WDFY3: variants seen among roughly 807,000 people sequenced by gnomAD.
WDFY3 encodes the protein WD repeat and FYVE domain containing 3.
Under a neutral mutation model 409.6 loss-of-function variants are expected in WDFY3, and 66 were observed. The ratio of observed to expected loss-of-function variants is 0.16; its 90% CI spans 0.13 to 0.20. The LOEUF is 0.20. Among genes scored for constraint, WDFY3 ranks in the 10% least tolerant of loss-of-function variants. WDFY3 has a pLI of 1.00. For synonymous variants in WDFY3, 1,521 were observed against 1,537.1 expected (o/e 0.99, Z 0.25); for missense variants, 3,031 against 4,298.1 (o/e 0.71, Z 8.24).
chr4:84,826,714 T>TTA, intron 10 of WDFY3, 101 bp downstream of exon 10: 2 of 1,220,156 alleles, frequency 1.6e-6, no homozygotes, highest in East Asian at 3.0e-5. Flanking sequence ...TATATTACTT[T>TTA]TATATATATA....
Position 84,713,221 on chromosome 4 carries a change from T to C in WDFY3, c.7980A>G (p.Pro2660=), listed in dbSNP as rs1031653825. Residue 2660 remains proline (P), a synonymous_variant, in exon 51 of 68, where the codon CCA becomes CCG. Transcript: ENST00000295888. ...KVYQRFLAVV[P]SLTDSSESVS... Reference sequence around the variant, plus strand: ...CAGATTCTGAACTGTCCGTTAGAGATGGCACTACAGCCAAAAACCTGAAAA... The same window carrying C: ...CAGATTCTGAACTGTCCGTTAGAGACGGCACTACAGCCAAAAACCTGAAAA... 6.2e-6 allele frequency: 10 copies of C among 1,614,070 alleles called. No individual in the cohort carries two copies. The South Asian group carries it at 7.7e-5, about 12-fold the overall frequency.
intron 2 of WDFY3, among the ~76,000 whole-genome samples, chr4:84,900,380 C>T (rs1766190825): frequency 6.6e-6 from 1 of 152,076 alleles, no homozygotes; most frequent in Non-Finnish European, 1.5e-5. Context: ...CACAACACCA[C>T]AACCAGCTAA....
At chr4:84,830,771 A>G (rs1755588374) in intron 8 of WDFY3, among the ~76,000 whole-genome samples, 1 of 152,252 alleles carries the variant, frequency 6.6e-6, no homozygotes, top group Admixed American at 6.5e-5. Context: ...GACTGGTTAC[A>G]GGATATCAAA....
intron 2 of WDFY3, among the ~76,000 whole-genome samples, chr4:84,899,221 T>C (rs1373789426): frequency 6.6e-6 from 1 of 152,088 alleles, no homozygotes; most frequent in East Asian, 1.9e-4. Context: ...AAAAAATGAG[T>C]ATGCCTTTTA....
At chr4:84,870,881 G>T (rs1388082511) in intron 3 of WDFY3, among the ~76,000 whole-genome samples, 1 of 138,774 alleles carries the variant, frequency 7.2e-6, no homozygotes, top group Non-Finnish European at 1.6e-5. Flanking sequence ...ATACCAACAG[G>T]GCTCTAAAAA....
rs756460782 is a variant in WDFY3, at chr4:84,704,373, T to A, written c.8407A>T (p.Met2803Leu). Residue 2803 changes from methionine to leucine, a missense_variant, in exon 55 of 68, where the codon ATG becomes TTG. Physicochemically the swap from Met to Leu is conservative, Grantham distance 15. Transcript: ENST00000295888. Reference protein sequence around the residue: ...AMIVASYLVRMEPFTQIFLRL... With the variant: ...AMIVASYLVRLEPFTQIFLRL... Reference sequence around the variant, plus strand: ...AAGAATATCTGTGTGAAAGGCTCCATCCTTACAAGGTATGAGGCCACAATC... The same window carrying A: ...AAGAATATCTGTGTGAAAGGCTCCAACCTTACAAGGTATGAGGCCACAATC... 11 of 1,612,538 alleles carry A rather than the reference T, an allele frequency of 6.8e-6. No homozygotes were observed. The highest frequency in any genetic ancestry group is 1.6e-4 in the Middle Eastern group (1 of 6,076).
chr4:84,859,466 T>C (rs759190376), intron 4 of WDFY3, among the ~76,000 whole-genome samples: 2 of 152,210 alleles, frequency 1.3e-5, no homozygotes, highest in African/African-American at 2.4e-5. Flanking sequence ...AAGTCTTTCA[T>C]GGCGGCAGCA....
rs368925452 is a variant in WDFY3 at position 84,738,966 on chromosome 4, T to C, written c.6574+44A>G. 1.4e-4 allele frequency: 225 copies of C among 1,604,068 alleles called. 2 individuals carry two copies. Among genetic ancestry groups the C allele is most frequent in the South Asian group, 9.5e-4 (86 of 90,572 alleles). ...TTGGTTATGTCTTAAAAACTGGAGA[T>C]AAAACAACCACAATTTAAAAACATC... On this transcript the variant is annotated intron_variant, in intron 40 of 67. Coordinates refer to ENST00000295888, the MANE Select transcript of WDFY3 (RefSeq NM_014991.6).
At chr4:84,815,702 T>C (rs1753195124) in intron 13 of WDFY3, among the ~76,000 whole-genome samples, 2 of 152,130 alleles carry the variant, frequency 1.3e-5, no homozygotes, top group Admixed American at 1.3e-4. Flanking sequence ...AGTACAAAAA[T>C]GAGCTGAATT....
At chr4:84,858,608 A>C (rs1271196693) in intron 4 of WDFY3, among the ~76,000 whole-genome samples, 1 of 152,118 alleles carries the variant, frequency 6.6e-6, no homozygotes, top group Non-Finnish European at 1.5e-5. Context: ...CCGAGACTGA[A>C]CAATACAAGT....
intron 21 of WDFY3, among the ~76,000 whole-genome samples, chr4:84,793,636 G>C (rs1198901805): frequency 6.6e-6 from 1 of 152,172 alleles, no homozygotes; most frequent in Non-Finnish European, 1.5e-5. Context: ...TCAAATGCAA[G>C]ACTGGAGGTA....
intron 33 of WDFY3, 129 bp from the exon 34 acceptor site, chr4:84,755,529 G>T: frequency 1.9e-6 from 2 of 1,058,742 alleles, no homozygotes; most frequent in Non-Finnish European, 2.6e-6. Flanking sequence ...CAATGATATA[G>T]ACATAAAGAA....
rs1178281580 is a variant in WDFY3, at chr4:84,817,410, C to G, written c.1869G>C (p.Leu623Phe). The change falls in exon 13 of 68, where the codon TTG becomes TTC. Residue 623 changes from leucine to phenylalanine, a missense_variant. Transcript: ENST00000295888. The stretch of plus-strand genomic sequence containing the variant: ...AACTTACCCTTAAAATATCAGTCTT[C>G]AACTGCAATTCCGTCGGTGGGGCTG... ...MHSAPPTELQ[L>F]KTDILRALLS... 6.2e-7 allele frequency: 1 copy of G among 1,613,596 alleles called. No individual in the cohort carries two copies. The highest frequency in any genetic ancestry group is 2.2e-5 in the East Asian group (1 of 44,868).
chr4:84,904,022 G>T (rs1766680085), intron 2 of WDFY3, among the ~76,000 whole-genome samples: 1 of 151,998 alleles, frequency 6.6e-6, no homozygotes, highest in Non-Finnish European at 1.5e-5. Context: ...AGGAGGTGGG[G>T]CCTTTGGAAG....
At chr4:84,797,230 T>C (rs899674290) in intron 18 of WDFY3, among the ~76,000 whole-genome samples, 1 of 152,168 alleles carries the variant, frequency 6.6e-6, no homozygotes, top group African/African-American at 2.4e-5. Flanking sequence ...TTTTTCCCCA[T>C]TATTAATTCT....
chr4:84,679,051 T>C lies in WDFY3; in HGVS notation c.10015A>G (p.Ser3339Gly). The change falls in exon 65 of 68, where the codon AGT becomes GGT. Residue 3339 changes from serine (S) to glycine (G), a missense_variant. Ser to Gly is a moderately conservative substitution (Grantham distance 56). This residue lies in a region of WDFY3 where 378 missense variants were observed against 477.3 expected (regional missense o/e 0.79). Coordinates refer to ENST00000295888, the MANE Select transcript of WDFY3 (RefSeq NM_014991.6). ...DDSRRWSDQL[S>G]LDEKDGFIFV... Reference sequence around the variant, plus strand: ...ATGAAGCCGTCTTTCTCATCTAGACTGAGCTGGTCGGACCAGCGTCTGGAG... The same window carrying C: ...ATGAAGCCGTCTTTCTCATCTAGACCGAGCTGGTCGGACCAGCGTCTGGAG... The C allele has an allele frequency of 6.2e-7, 1 of 1,613,850 alleles. No homozygotes were observed. Among genetic ancestry groups the C allele is most frequent in the Non-Finnish European group, 8.5e-7 (1 of 1,179,690 alleles).
chr4:84,850,467 C>T (rs1758752119), intron 4 of WDFY3, among the ~76,000 whole-genome samples: 1 of 152,064 alleles, frequency 6.6e-6, no homozygotes, highest in African/African-American at 2.4e-5. Context: ...CAGGTGCATG[C>T]CATCATGCCT....
intron 21 of WDFY3, among the ~76,000 whole-genome samples, chr4:84,793,158 A>G (rs893465872): frequency 1.3e-5 from 2 of 152,154 alleles, no homozygotes; most frequent in African/African-American, 2.4e-5. Flanking sequence ...TTATCAACAC[A>G]GGAAAACAGA....
intron 36 of WDFY3, among the ~76,000 whole-genome samples, chr4:84,744,024 T>G (rs1318824384): frequency 6.7e-6 from 1 of 149,978 alleles, no homozygotes; most frequent in Non-Finnish European, 1.5e-5. Context: ...ATCATCTTCT[T>G]TTGAATCCAT....
Sources: allele counts gnomAD v4.1 joint callset (sites outside exome capture counted in the v4.1 genomes callset), GRCh38; gene constraint gnomAD v4.1.1; regional missense constraint gnomAD v4.1.1; transcripts MANE v1.5; gene names NCBI Gene and HGNC (gene_info 2026-07-23, HGNC 2026-07-21).